Variants in DGKB observed in about 807,000 individuals in gnomAD.
DGKB encodes diacylglycerol kinase beta, also known as 90 kDa diacylglycerol kinase.
DGKB carries 67 observed loss-of-function variants against 114.3 expected under a neutral mutation model. That is an observed-to-expected ratio of 0.59 (90% CI 0.48 to 0.72). The LOEUF is 0.72. Among genes scored for constraint, DGKB ranks in the 30% least tolerant of loss-of-function variants. The pLI is 0.00. For missense variants in DGKB, 907 were observed against 975.2 expected, an observed-to-expected ratio of 0.93 and a Z score of 0.93; for synonymous variants, 398 against 323.1, an observed-to-expected ratio of 1.23 and a Z score of -2.49.
intron 1 of DGKB, among the ~76,000 whole-genome samples, chr7:14,891,179 G>A (rs779981657): frequency 6.7e-4 from 101 of 151,318 alleles, no homozygotes; most frequent in South Asian, 1.9e-3. Flanking sequence ...GTAGATGCGC[G>A]AAACCGCTAA....
chr7:14,514,365 T>C (rs184698586), intron 20 of DGKB, among the ~76,000 whole-genome samples: 390 of 152,260 alleles, frequency 2.6e-3, no homozygotes, highest in South Asian at 6.8e-3. Context: ...AAATAATCTT[T>C]TGAAAAATAG....
intron 23 of DGKB, among the ~76,000 whole-genome samples, chr7:14,329,594 T>C (rs187031869): frequency 1.3e-5 from 2 of 152,126 alleles, no homozygotes; most frequent in East Asian, 3.9e-4. Flanking sequence ...TCTTTCATGC[T>C]TATAATTTTT....
chr7:14,954,043 C>T (rs1424111410), intron 1 of DGKB, among the ~76,000 whole-genome samples: 2 of 151,974 alleles, frequency 1.3e-5, no homozygotes, highest in Non-Finnish European at 2.9e-5. Context: ...ATTTTGGTAC[C>T]GGTCTAATCA....
intron 23 of DGKB, among the ~76,000 whole-genome samples, chr7:14,188,055 G>GA (rs1441955477): frequency 4.6e-5 from 7 of 151,836 alleles, no homozygotes; most frequent in Non-Finnish European, 7.4e-5. Flanking sequence ...TGAATGAAAT[G>GA]AAAAAAATAC....
chr7:14,596,213 CAAT>C (rs955923116), intron 17 of DGKB, among the ~76,000 whole-genome samples: 8 of 152,184 alleles, frequency 5.3e-5, no homozygotes, highest in African/African-American at 1.9e-4. Context: ...TAACTTTCAT[CAAT>C]AATAAAAATT....
At chr7:14,786,067 G>A (rs1400344277) in intron 2 of DGKB, among the ~76,000 whole-genome samples, 1 of 151,636 alleles carries the variant, frequency 6.6e-6, no homozygotes, top group African/African-American at 2.4e-5. Flanking sequence ...ACATTTGCAA[G>A]CAATTGTACA....
At chr7:14,903,248 TGTGTGTTGAG>T (rs1190113932), upstream of DGKB, 4 of 153,816 alleles carry the variant, frequency 2.6e-5, 1 homozygote, top group African/African-American at 9.7e-5. Context: ...TGTGTGTGTG[TGTGTGTTGAG>T]GAGGAGGCGA....
intron 14 of DGKB, among the ~76,000 whole-genome samples, chr7:14,626,439 C>T (rs554084760): frequency 3.3e-5 from 5 of 152,168 alleles, no homozygotes; most frequent in African/African-American, 4.8e-5. Context: ...GTCCTTTCTG[C>T]CACTGGAGCT....
At position 14,660,772 on chromosome 7, in the gene DGKB, C is replaced by G. The variant is rs545279774; in HGVS notation, c.1134+12157G>C. Among the ~76,000 whole-genome samples the G allele has an allele frequency of 6.6e-5, 10 of 152,032 alleles. No homozygotes were observed. The East Asian group carries it at 1.9e-3, about 30-fold the overall frequency. ...TCAATCCTGAGCCAAAAGAACAAAGCTGGAGGCATCACACTACCTGACTTC... is the reference window on the plus strand; with the variant it reads ...TCAATCCTGAGCCAAAAGAACAAAGGTGGAGGCATCACACTACCTGACTTC... On this transcript the variant is annotated intron_variant, in intron 13 of 25. Transcript: ENST00000402815.
At chr7:14,163,096 G>C (rs1216625104) in intron 25 of DGKB, among the ~76,000 whole-genome samples, 1 of 152,066 alleles carries the variant, frequency 6.6e-6, no homozygotes, top group Non-Finnish European at 1.5e-5. Flanking sequence ...TACAGATCCA[G>C]CAATGAACCA....
chr7:14,419,620 T>C (rs1229366277), intron 21 of DGKB, among the ~76,000 whole-genome samples: 1 of 143,178 alleles, frequency 7.0e-6, no homozygotes, highest in Admixed American at 7.4e-5. Context: ...TAAATGCACT[T>C]AATTTGAAAA....
At chr7:14,919,060 A>ACG (rs199806833) in intron 1 of DGKB, among the ~76,000 whole-genome samples, 1,323 of 124,942 alleles carry the variant, frequency 0.011, 20 homozygotes, top group African/African-American at 0.035. Context: ...ACTCCACCAC[A>ACG]CGCACACACA....
chr7:14,535,047 G>A (rs539887274), intron 20 of DGKB, among the ~76,000 whole-genome samples: 1 of 152,210 alleles, frequency 6.6e-6, no homozygotes, highest in Admixed American at 6.5e-5. Flanking sequence ...TATGAAGAGG[G>A]AAGTTTATGG....
In DGKB at chr7:14,793,248, G is replaced by A. The variant is rs184651231; in HGVS notation, c.71-35517C>T. ...AGACTATTAGAAATGCATTCTGTAAGATAGAAATGTCATGTAAAATTGTTT... is the reference window on the plus strand; with the variant it reads ...AGACTATTAGAAATGCATTCTGTAAAATAGAAATGTCATGTAAAATTGTTT... On this transcript the variant is annotated intron_variant, in intron 2 of 25. Coordinates refer to ENST00000402815, the MANE Select transcript of DGKB (RefSeq NM_001350709.2). Among the ~76,000 whole-genome samples, 451 of 152,196 alleles carry A rather than the reference G, an allele frequency of 3.0e-3. 2 individuals are homozygous for A. Among genetic ancestry groups the A allele is most frequent in the African/African-American group, 0.01 (424 of 41,532 alleles).
chr7:14,839,407 CTTTTTTTTTT>C (rs911581318), intron 2 of DGKB, among the ~76,000 whole-genome samples: 6 of 130,950 alleles, frequency 4.6e-5, no homozygotes, highest in Non-Finnish European at 6.5e-5. Flanking sequence ...TCTTCTTCTT[CTTTTTTTTTT>C]TTTTTTTTTG....
intron 23 of DGKB, among the ~76,000 whole-genome samples, chr7:14,212,985 G>A (rs1205905744): frequency 6.6e-6 from 1 of 151,882 alleles, no homozygotes; most frequent in Non-Finnish European, 1.5e-5. Context: ...TAATCCTTGG[G>A]CATCTTTCTT....
chr7:14,247,750 CTT>C (rs1324850178), intron 23 of DGKB, among the ~76,000 whole-genome samples: 1 of 151,914 alleles, frequency 6.6e-6, no homozygotes, highest in Non-Finnish European at 1.5e-5. Flanking sequence ...ACTATTAACT[CTT>C]TATCAGACGC....
intron 1 of DGKB, among the ~76,000 whole-genome samples, chr7:14,890,465 A>G (rs931893887): frequency 2.0e-5 from 3 of 151,472 alleles, no homozygotes; most frequent in Non-Finnish European, 4.4e-5. Flanking sequence ...CTTCCATGGA[A>G]AAATGATGTG....
At chr7:14,221,205 G>T (rs1789898798) in intron 23 of DGKB, among the ~76,000 whole-genome samples, 1 of 150,686 alleles carries the variant, frequency 6.6e-6, no homozygotes, top group African/African-American at 2.4e-5. Context: ...GCCCTAGCTG[G>T]AACTTCCAGC....
Sources: gnomAD v4.1 joint callset for allele counts (sites outside exome capture counted in the v4.1 genomes callset) on GRCh38, gnomAD v4.1.1 for gene constraint, MANE v1.5 for transcripts, NCBI Gene and HGNC (gene_info 2026-07-23, HGNC 2026-07-21) for gene names.